RBFOX1: variants seen among roughly 807,000 people sequenced by gnomAD.
RBFOX1 encodes RNA binding protein fox-1 homolog 1.
A neutral mutation model predicts 57.7 loss-of-function variants in RBFOX1; 8 were observed. The observed-to-expected ratio is 0.14, with a 90% CI of 0.08 to 0.25. The LOEUF is 0.25. Among genes scored for constraint, RBFOX1 ranks in the 10% least tolerant of loss-of-function variants. The probability of loss-of-function intolerance (pLI) is 1.00; values close to 1 mark genes in which losing one functional copy is unlikely to be tolerated. For synonymous variants in RBFOX1, 326 were observed against 222.4 expected, an observed-to-expected ratio of 1.47 and a Z score of -4.15; for missense variants, 611 against 548.5, an observed-to-expected ratio of 1.11 and a Z score of -1.14.
At chr16:7,644,538 A>G (rs2063390664) in intron 11 of RBFOX1, among the ~76,000 whole-genome samples, 1 of 152,190 alleles carries the variant, frequency 6.6e-6, no homozygotes, top group Non-Finnish European at 1.5e-5. Context: ...GCCGCTCCTT[A>G]GCAACTCTCA....
intron 4 of RBFOX1, chr16:7,510,247 T>A: frequency 3.0e-6 from 3 of 985,822 alleles, no homozygotes; most frequent in Non-Finnish European, 3.6e-6. Context: ...GGCAGATGCT[T>A]TGTGGTGTGG....
At chr16:7,098,821 G>T (rs549284978) in intron 4 of RBFOX1, among the ~76,000 whole-genome samples, 1 of 152,024 alleles carries the variant, frequency 6.6e-6, no homozygotes, top group African/African-American at 2.4e-5. Context: ...AATTAAAATC[G>T]TGGTCTTTCT....
At chr16:7,626,884 G>C (rs2060153762) in intron 10 of RBFOX1, among the ~76,000 whole-genome samples, 1 of 152,154 alleles carries the variant, frequency 6.6e-6, no homozygotes. Flanking sequence ...ATTTTCCTAG[G>C]TGTTGGGGAT....
At chr16:7,041,079 C>G (rs2045999758) in intron 3 of RBFOX1, among the ~76,000 whole-genome samples, 2 of 115,626 alleles carry the variant, frequency 1.7e-5, no homozygotes, top group South Asian at 2.7e-4. Context: ...ACACGCCCAG[C>G]TAATTTTTTT....
Position 5,531,297 on chromosome 16 carries a change from A to C in RBFOX1, c.258+64043A>C, listed in dbSNP as rs541571660. Among the ~76,000 whole-genome samples, 19 of 152,240 alleles carry C rather than the reference A, an allele frequency of 1.2e-4. 1 individual carries two copies. The South Asian group carries it at 3.7e-3, about 30-fold the overall frequency. On this transcript the variant is annotated intron_variant, in intron 2 of 2. Coordinates refer to the RBFOX1 transcript ENST00000585867. ...AAGGAGCATGTATCTTGCAGCAGAC[A>C]GGGGTACTTCACATTGTTAAATCCT...
At chr16:6,272,108 G>A (rs1180210376) in intron 1 of RBFOX1, among the ~76,000 whole-genome samples, 4 of 151,854 alleles carry the variant, frequency 2.6e-5, no homozygotes, top group South Asian at 4.2e-4. Context: ...GATCACATAG[G>A]GTTTATTTCG....
intron 3 of RBFOX1, among the ~76,000 whole-genome samples, chr16:7,023,773 C>G (rs1184013095): frequency 6.6e-6 from 1 of 151,952 alleles, no homozygotes; most frequent in Non-Finnish European, 1.5e-5. Flanking sequence ...CCACTTAGCT[C>G]AAATACAGCC....
chr16:7,019,281 A>G (rs1386135787), intron 3 of RBFOX1, among the ~76,000 whole-genome samples: 1 of 152,074 alleles, frequency 6.6e-6, no homozygotes, highest in Non-Finnish European at 1.5e-5. Flanking sequence ...AAACAGGTAG[A>G]TTTGGAAAAT....
chr16:6,558,857 G>C (rs1018298434), intron 2 of RBFOX1, among the ~76,000 whole-genome samples: 2 of 135,744 alleles, frequency 1.5e-5, no homozygotes, highest in East Asian at 2.4e-4. Flanking sequence ...AACATACCCA[G>C]CTCCTCCTGA....
At chr16:6,712,450 A>T (rs1357224282) in intron 3 of RBFOX1, among the ~76,000 whole-genome samples, 1 of 151,988 alleles carries the variant, frequency 6.6e-6, no homozygotes, top group East Asian at 1.9e-4. Context: ...GTACCATCCT[A>T]ACCTTTCCTC....
At chr16:7,254,521 C>T (rs1240057918) in intron 4 of RBFOX1, among the ~76,000 whole-genome samples, 1 of 151,864 alleles carries the variant, frequency 6.6e-6, no homozygotes, top group East Asian at 1.9e-4. Context: ...AATATATGCC[C>T]ATTTTAGGTG....
intron 3 of RBFOX1, among the ~76,000 whole-genome samples, chr16:6,980,480 G>C (rs115843125): frequency 2.0e-5 from 3 of 152,198 alleles, no homozygotes; most frequent in East Asian, 1.9e-4. Flanking sequence ...AATTTTTCTG[G>C]TGTTTGTTTG....
intron 2 of RBFOX1, among the ~76,000 whole-genome samples, chr16:6,548,517 G>GA (rs1043764131): frequency 6.6e-6 from 1 of 152,084 alleles, no homozygotes; most frequent in African/African-American, 2.4e-5. Flanking sequence ...AGTTCCAAGT[G>GA]AAAAAAGAAA....
intron 4 of RBFOX1, among the ~76,000 whole-genome samples, chr16:7,115,553 G>C (rs12928584): frequency 0.11 from 16,394 of 152,198 alleles, 1,086 homozygotes; most frequent in South Asian, 0.18. Flanking sequence ...CCTTCACTGA[G>C]CTCTCTCACC....
At chr16:7,464,760 G>T (rs1245321777) in intron 4 of RBFOX1, among the ~76,000 whole-genome samples, 2 of 121,186 alleles carry the variant, frequency 1.7e-5, no homozygotes, top group South Asian at 2.9e-4. Flanking sequence ...GCAGTCGCGT[G>T]ATCTCGGCTC....
At chr16:5,292,403 T>A (rs888566998) in intron 1 of RBFOX1, among the ~76,000 whole-genome samples, 22 of 152,212 alleles carry the variant, frequency 1.4e-4, no homozygotes, top group African/African-American at 5.3e-4. Flanking sequence ...CATTGCTGAT[T>A]TTTTTCAGTT....
chr16:6,320,445 C>A, intron 2 of RBFOX1, among the ~76,000 whole-genome samples: 1 of 151,960 alleles, frequency 6.6e-6, no homozygotes, highest in East Asian at 1.9e-4. Context: ...CACTAAAGAA[C>A]TCATCCATGT....
At chr16:7,207,472 C>A (rs2090227112) in intron 4 of RBFOX1, among the ~76,000 whole-genome samples, 1 of 152,146 alleles carries the variant, frequency 6.6e-6, no homozygotes, top group African/African-American at 2.4e-5. Context: ...ACATCCAGTG[C>A]AACCCCCGGA....
At chr16:6,162,346 C>T (rs2096885815) in intron 1 of RBFOX1, among the ~76,000 whole-genome samples, 1 of 152,148 alleles carries the variant, frequency 6.6e-6, no homozygotes, top group Non-Finnish European at 1.5e-5. Context: ...AACTCCTGGC[C>T]TTATGTGATC....
Sources: allele counts gnomAD v4.1 joint callset (sites outside exome capture counted in the v4.1 genomes callset), GRCh38; gene constraint gnomAD v4.1.1; transcripts MANE v1.5; gene names NCBI Gene and HGNC (gene_info 2026-07-23, HGNC 2026-07-21).